NKAIN2: variants seen among roughly 807,000 people sequenced by gnomAD.
The protein encoded by NKAIN2 is sodium/potassium transporting ATPase interacting 2.
Under a neutral mutation model 32.6 loss-of-function variants are expected in NKAIN2, and 14 were observed. That is an observed-to-expected ratio of 0.43 (90% CI 0.28 to 0.67). NKAIN2 has a LOEUF of 0.67. Ranked by LOEUF, NKAIN2 falls within the 30% of genes least tolerant of loss-of-function variation. The probability of loss-of-function intolerance (pLI) is 0.17; values close to 1 mark genes in which losing one functional copy is unlikely to be tolerated. For synonymous variants in NKAIN2, 80 were observed against 87.2 expected, an observed-to-expected ratio of 0.92 and a Z score of 0.46; for missense variants, 198 against 258.3, an observed-to-expected ratio of 0.77 and a Z score of 1.60.
intron 1 of NKAIN2, among the ~76,000 whole-genome samples, chr6:124,218,301 AAAAT>A (rs1459382959): frequency 2.0e-5 from 3 of 152,184 alleles, no homozygotes; most frequent in African/African-American, 7.2e-5. Flanking sequence ...ATGAAAATAA[AAAAT>A]AAAAGTAATC....
chr6:124,619,950 C>T (rs687667), intron 3 of NKAIN2, among the ~76,000 whole-genome samples: 24,250 of 152,072 alleles, frequency 0.16, 2,024 homozygotes, highest in Middle Eastern at 0.23. Context: ...GGTTCCTCAC[C>T]TGCTTGTTGT....
chr6:124,367,903 T>A (rs1799592756), intron 3 of NKAIN2, among the ~76,000 whole-genome samples: 1 of 152,138 alleles, frequency 6.6e-6, no homozygotes, highest in Admixed American at 6.6e-5. Context: ...ATTTCAAGGT[T>A]TTCAGAAAAT....
intron 1 of NKAIN2, among the ~76,000 whole-genome samples, chr6:124,037,147 A>G (rs1183104350): frequency 6.6e-6 from 1 of 152,142 alleles, no homozygotes; most frequent in Non-Finnish European, 1.5e-5. Flanking sequence ...ATGTGGTAAA[A>G]GAGGAAGTGA....
At chr6:124,523,538 A>G (rs1257515740) in intron 3 of NKAIN2, among the ~76,000 whole-genome samples, 2 of 152,082 alleles carry the variant, frequency 1.3e-5, no homozygotes, top group Non-Finnish European at 2.9e-5. Flanking sequence ...AATATCACAG[A>G]CACAATGGCA....
intron 1 of NKAIN2, among the ~76,000 whole-genome samples, chr6:123,829,648 C>A (rs1774294917): frequency 6.6e-6 from 1 of 152,118 alleles, no homozygotes; most frequent in African/African-American, 2.4e-5. Flanking sequence ...ACCACAGAGT[C>A]CCAGCTAAAT....
chr6:124,706,013 G>A (rs368133359), intron 4 of NKAIN2, among the ~76,000 whole-genome samples: 23 of 151,992 alleles, frequency 1.5e-4, no homozygotes, highest in African/African-American at 4.8e-4. Flanking sequence ...ACAACAAAGA[G>A]AAGGTTATCA....
chr6:124,054,303 A>G (rs2114840694), intron 1 of NKAIN2, among the ~76,000 whole-genome samples: 1 of 152,220 alleles, frequency 6.6e-6, no homozygotes, highest in African/African-American at 2.4e-5. Flanking sequence ...AGAAAGCCTG[A>G]CAGTGTAAAA....
rs1441146137 is a variant in NKAIN2 at position 124,413,928 on chromosome 6, T to C, written c.273+58581T>C. Among the ~76,000 whole-genome samples, 3 of 152,164 alleles carry C rather than the reference T, an allele frequency of 2.0e-5. No individual in the cohort carries two copies. The East Asian group carries it at 5.8e-4, about 29-fold the overall frequency. On this transcript the variant is annotated intron_variant, in intron 3 of 6. Transcript: ENST00000368417. ...ATTTATTAGATCCAGAAGCACTTTT[T>C]GTAGATCTATGGGATTTTCTACATA...
chr6:124,181,689 G>T (rs1181848362), intron 1 of NKAIN2, among the ~76,000 whole-genome samples: 3 of 152,062 alleles, frequency 2.0e-5, no homozygotes, highest in Non-Finnish European at 4.4e-5. Flanking sequence ...AAATGTTGCC[G>T]GTCTTTTTGC....
At chr6:123,962,438 A>G (rs1408410392) in intron 1 of NKAIN2, among the ~76,000 whole-genome samples, 1 of 152,084 alleles carries the variant, frequency 6.6e-6, no homozygotes, top group Non-Finnish European at 1.5e-5. Flanking sequence ...TCAATGTCTT[A>G]TTTTTCCTGA....
At chr6:124,077,632 C>CT (rs879739693) in intron 1 of NKAIN2, among the ~76,000 whole-genome samples, 1,516 of 145,360 alleles carry the variant, frequency 0.01, 20 homozygotes, top group African/African-American at 0.033. Flanking sequence ...TTTTTAAATT[C>CT]TTTTTTTTTT....
At chr6:123,877,429 GAC>G (rs1292117132) in intron 1 of NKAIN2, among the ~76,000 whole-genome samples, 2 of 152,154 alleles carry the variant, frequency 1.3e-5, no homozygotes, top group African/African-American at 4.8e-5. Context: ...TATATTTTAT[GAC>G]ACATATTCAT....
intron 2 of NKAIN2, among the ~76,000 whole-genome samples, chr6:124,314,455 T>G (rs1313214100): frequency 6.6e-6 from 1 of 152,090 alleles, no homozygotes; most frequent in Non-Finnish European, 1.5e-5. Flanking sequence ...TATTTGGAAG[T>G]GCTCTGAAAG....
intron 3 of NKAIN2, among the ~76,000 whole-genome samples, chr6:124,373,661 C>T (rs574533899): frequency 5.3e-5 from 8 of 152,098 alleles, no homozygotes; most frequent in South Asian, 2.1e-4. Flanking sequence ...TGCCCAGTGA[C>T]GTAGGAAGGA....
chr6:124,595,178 T>C (rs1231246464), intron 3 of NKAIN2, among the ~76,000 whole-genome samples: 2 of 152,236 alleles, frequency 1.3e-5, no homozygotes, highest in African/African-American at 4.8e-5. Flanking sequence ...ACAAGGCTGG[T>C]TGTTACTCCG....
At chr6:124,373,599 G>A (rs1021576622) in intron 3 of NKAIN2, among the ~76,000 whole-genome samples, 4 of 152,116 alleles carry the variant, frequency 2.6e-5, no homozygotes, top group African/African-American at 9.7e-5. Flanking sequence ...CCAGGGCTCT[G>A]CAACTTCTCA....
chr6:124,390,182 G>A (rs1046108418), intron 3 of NKAIN2, among the ~76,000 whole-genome samples: 1 of 152,050 alleles, frequency 6.6e-6, no homozygotes, highest in Non-Finnish European at 1.5e-5. Context: ...ACTCAAAGGC[G>A]GGTGGGTGAG....
At chr6:123,812,592 A>G (rs1322787294) in intron 1 of NKAIN2, among the ~76,000 whole-genome samples, 3 of 152,184 alleles carry the variant, frequency 2.0e-5, no homozygotes, top group Non-Finnish European at 4.4e-5. Flanking sequence ...AACTTCTGAT[A>G]TTTAGAACTC....
At chr6:124,078,330 G>C (rs1326719059) in intron 1 of NKAIN2, among the ~76,000 whole-genome samples, 3 of 149,938 alleles carry the variant, frequency 2.0e-5, no homozygotes, top group Admixed American at 2.0e-4. Flanking sequence ...TGCAGTAGTG[G>C]AAGTTAAATC....
Sources: allele counts gnomAD v4.1 joint callset (sites outside exome capture counted in the v4.1 genomes callset), GRCh38; gene constraint gnomAD v4.1.1; transcripts MANE v1.5; gene names NCBI Gene and HGNC (gene_info 2026-07-23, HGNC 2026-07-21).